The following RO60 variants were observed in gnomAD, a reference collection of about 807,000 sequenced individuals.
RO60 encodes the protein Ro60, Y RNA binding protein.
RO60 carries 20 observed loss-of-function variants against 55.3 expected under a neutral mutation model. That is an observed-to-expected ratio of 0.36 (90% CI 0.25 to 0.53). The LOEUF (loss-of-function observed/expected upper bound fraction) is 0.53. RO60 is among the 20% of genes least tolerant of loss of function. RO60 has a pLI of 0.92. For synonymous variants in RO60, 213 were observed against 213.6 expected (o/e 1.00, Z 0.02); for missense variants, 558 against 646.6 (o/e 0.86, Z 1.49).
downstream of RO60, chr1:193,091,556 C>CTAAT: frequency 1.9e-6 from 2 of 1,062,020 alleles, no homozygotes; most frequent in East Asian, 2.6e-5. Flanking sequence ...TTGCTGTTTT[C>CTAAT]TAATAGAGAA....
At chr1:193,082,432 A>G in intron 7 of RO60, 130 bp from the exon 8 acceptor site, 1 of 1,354,032 alleles carries the variant, frequency 7.4e-7, no homozygotes, top group Non-Finnish European at 1.0e-6. Flanking sequence ...CATGACAAGT[A>G]CAAAACCGAA....
Position 193,085,288 on chromosome 1 carries a change from A to G in RO60, c.*557A>G, listed in dbSNP as rs554830626. ...AAATTCCTTTCAGAGTTTTACTAAG[A>G]TCACACAAATAACAGCTTTCTTATT... On this transcript the variant is annotated 3_prime_UTR_variant, in exon 9 of 9. Transcript: ENST00000400968. The G allele has an allele frequency of 2.8e-6, 3 of 1,087,570 alleles. No homozygotes were observed. In the East Asian group the frequency reaches 1.7e-4, roughly 61 times the overall value. The allele number at this position is 1,087,570 out of a possible 1,614,324, so 67.4% of individuals were successfully genotyped here. A position where few individuals can be genotyped will look rare whatever the true frequency, so the allele number is the denominator to read the frequency against.
In RO60 at chr1:193,085,288, A is replaced by T; in HGVS notation, c.*557A>T. The T allele has an allele frequency of 9.2e-7, 1 of 1,087,570 alleles. No individual in the cohort carries two copies. Among genetic ancestry groups the T allele is most frequent in the Non-Finnish European group, 1.1e-6 (1 of 894,504 alleles). The allele number at this position is 1,087,570 out of a possible 1,614,324, so 67.4% of individuals were successfully genotyped here. A position where few individuals can be genotyped will look rare whatever the true frequency, so the allele number is the denominator to read the frequency against. ...AAATTCCTTTCAGAGTTTTACTAAG[A>T]TCACACAAATAACAGCTTTCTTATT... On this transcript the variant is annotated 3_prime_UTR_variant, in exon 9 of 9. Coordinates refer to ENST00000400968, the MANE Select transcript of RO60 (RefSeq NM_001173524.2).
rs755273637 is a variant in RO60 at position 193,059,817 on chromosome 1, G to A, written c.-22+41G>A. The A allele has an allele frequency of 3.9e-5, 53 of 1,357,082 alleles. No homozygotes were observed. Among genetic ancestry groups the A allele is most frequent in the African/African-American group, 1.5e-4 (10 of 67,566 alleles). 84.1% of individuals were successfully genotyped at this position (1,357,082 alleles called of 1,614,324 possible). A position where few individuals can be genotyped will look rare whatever the true frequency, so the allele number is the denominator to read the frequency against. The stretch of plus-strand genomic sequence containing the variant: ...GAGGCCGGCTGGGAGCCTTTTGTGC[G>A]GCCCCAGGGACGCGCAAATTCTGAC... On this transcript the variant is annotated intron_variant, in intron 1 of 8. Transcript: ENST00000400968. The surrounding 1 kb of genome is among the most constrained non-coding windows in gnomAD (Gnocchi z 4.9).
At chr1:193,074,961 A>G in intron 2 of RO60, among the ~76,000 whole-genome samples, 1 of 152,194 alleles carries the variant, frequency 6.6e-6, no homozygotes. Context: ...GAGTTTTGCC[A>G]CGTTGGGCAC....
rs762070764 is a variant in RO60, at chr1:193,075,895, C to T, written c.656C>T (p.Ser219Phe). 2 of 1,613,166 alleles carry T rather than the reference C, an allele frequency of 1.2e-6. No individual in the cohort carries two copies. Among genetic ancestry groups the T allele is most frequent in the South Asian group, 2.2e-5 (2 of 91,034 alleles). The change falls in exon 3 of 9, where the codon TCT becomes TTT. Residue 219 changes from serine to phenylalanine, a missense_variant. Transcript: ENST00000400968. ...GAATTGTATAAAGAAAAAGCACTCTCTGTGGAGACTGAAAAATTATTAAAG... is the reference window on the plus strand; with the variant it reads ...GAATTGTATAAAGAAAAAGCACTCTTTGTGGAGACTGAAAAATTATTAAAG... ...VHELYKEKAL[S>F]VETEKLLKYL...
chr1:193,078,705 A>G lies in RO60; in HGVS notation c.1086+1655A>G, dbSNP rs1674092574. Among the ~76,000 whole-genome samples the G allele has an allele frequency of 2.6e-5, 4 of 152,020 alleles. No individual in the cohort carries two copies. In the South Asian group the frequency reaches 8.3e-4, roughly 32 times the overall value. On this transcript the variant is annotated intron_variant, in intron 5 of 8. Transcript: ENST00000400968. ...ACTTATACACTGAGAACTACAAAAC[A>G]TTGCTAAAAGAAATTAAGTCATGAA...
At chr1:193,074,999 G>A (rs1202651573) in intron 2 of RO60, among the ~76,000 whole-genome samples, 1 of 152,186 alleles carries the variant, frequency 6.6e-6, no homozygotes, top group African/African-American at 2.4e-5. Context: ...GACCTCAGGT[G>A]ATCCACACTC....
rs1402532918 is a variant in RO60, at chr1:193,082,643, T to G, written c.1399T>G (p.Phe467Val). 6.8e-6 allele frequency: 11 copies of G among 1,613,822 alleles called. No homozygotes were observed. The highest frequency in any genetic ancestry group is 8.5e-6 in the Non-Finnish European group (10 of 1,179,862). ...TNTPADVFIV[F>V]TDNETFAGGV... Reference sequence around the variant, plus strand: ...CACACCTGCTGATGTCTTCATTGTATTCACTGATAATGAGACCTTTGCTGG... The same window carrying G: ...CACACCTGCTGATGTCTTCATTGTAGTCACTGATAATGAGACCTTTGCTGG... Residue 467 changes from phenylalanine to valine, a missense_variant, in exon 8 of 9, where the codon TTC (phenylalanine) becomes GTC (valine). By Grantham distance (50) the Phe-to-Val change is conservative. Transcript: ENST00000400968.
chr1:193,080,129 C>G (rs1462068606), intron 5 of RO60, among the ~76,000 whole-genome samples: 1 of 150,946 alleles, frequency 6.6e-6, no homozygotes, highest in Admixed American at 6.6e-5. Flanking sequence ...GAAACTCTGT[C>G]TCAAAAAACA....
At chr1:193,083,463 G>A (rs1386156051) in intron 8 of RO60, among the ~76,000 whole-genome samples, 2 of 152,206 alleles carry the variant, frequency 1.3e-5, no homozygotes, top group African/African-American at 4.8e-5. Context: ...ACTCTCCAAT[G>A]TGGGTTGCCA....
chr1:193,073,907 G>T (rs1673701452), intron 2 of RO60, among the ~76,000 whole-genome samples: 3 of 129,490 alleles, frequency 2.3e-5, no homozygotes, highest in Non-Finnish European at 4.6e-5. Flanking sequence ...CCCACAACAG[G>T]CCCTGGTGTG....
intron 2 of RO60, among the ~76,000 whole-genome samples, chr1:193,074,992 C>T (rs992618713): frequency 1.1e-4 from 17 of 152,172 alleles, no homozygotes; most frequent in African/African-American, 3.9e-4. Context: ...AACCCCTGAC[C>T]TCAGGTGATC....
At chr1:193,076,867 A>G (rs1365996391) in intron 4 of RO60, 46 bp from the exon 5 acceptor site, 5 of 1,578,280 alleles carry the variant, frequency 3.2e-6, no homozygotes, top group South Asian at 1.1e-5. Flanking sequence ...AGGAGTATAC[A>G]TAATCACTGT....
chr1:193,079,906 C>A (rs571934346), intron 5 of RO60, among the ~76,000 whole-genome samples: 51 of 151,404 alleles, frequency 3.4e-4, no homozygotes, highest in African/African-American at 1.2e-3. Context: ...AAGGGTTGAT[C>A]ACCTGAGGTC....
At chr1:193,077,098 T>A in intron 5 of RO60, 48 bp downstream of exon 5, 1 of 1,513,872 alleles carries the variant, frequency 6.6e-7, no homozygotes, top group Non-Finnish European at 9.0e-7. Flanking sequence ...AGACTTAATA[T>A]CTTTTGTAAT....
chr1:193,075,822 C>G lies in RO60; in HGVS notation c.583C>G (p.Leu195Val), dbSNP rs1426419925. 6.3e-7 allele frequency: 1 copy of G among 1,597,760 alleles called. No individual in the cohort carries two copies. Among genetic ancestry groups the G allele is most frequent in the Admixed American group, 1.8e-5 (1 of 56,300 alleles). ...LSHLKPSSEG[L>V]AIVTKYITKG... ...TTCAATTCTTTATCTTGTTAAAGGACTTGCAATTGTGACCAAATATATTAC... is the reference window on the plus strand; with the variant it reads ...TTCAATTCTTTATCTTGTTAAAGGAGTTGCAATTGTGACCAAATATATTAC... The change falls in exon 3 of 9, where the codon CTT (leucine) becomes GTT (valine). Residue 195 changes from leucine to valine, a missense_variant and splice_region_variant. By Grantham distance (32) the Leu-to-Val change is conservative. Transcript: ENST00000400968.
intron 8 of RO60, among the ~76,000 whole-genome samples, chr1:193,083,911 T>C (rs1403189724): frequency 6.6e-6 from 1 of 152,146 alleles, no homozygotes; most frequent in African/African-American, 2.4e-5. Flanking sequence ...AAAGACTGTT[T>C]GGTTGTGAGT....
intron 5 of RO60, among the ~76,000 whole-genome samples, chr1:193,077,669 G>A (rs1320624153): frequency 1.3e-5 from 2 of 152,134 alleles, no homozygotes; most frequent in Non-Finnish European, 2.9e-5. Context: ...TTCAAGATGA[G>A]ATTTGGGTGG....
Sources: gnomAD v4.1 joint callset for allele counts (sites outside exome capture counted in the v4.1 genomes callset) on GRCh38, gnomAD v4.1.1 for gene constraint, Gnocchi (gnomAD v3.1) non-coding constraint, MANE v1.5 for transcripts, NCBI Gene and HGNC (gene_info 2026-07-23, HGNC 2026-07-21) for gene names.